SLC4A10: variants seen among roughly 807,000 people sequenced by gnomAD.
SLC4A10 encodes solute carrier family 4 member 10.
Under a neutral mutation model 137.7 loss-of-function variants are expected in SLC4A10, and 42 were observed. That is an observed-to-expected ratio of 0.30 (90% CI 0.24 to 0.39). SLC4A10 has a LOEUF of 0.39. Ranked by LOEUF, SLC4A10 falls within the 10% of genes least tolerant of loss-of-function variation. The pLI is 1.00. For synonymous variants in SLC4A10, 474 were observed against 464.1 expected (o/e 1.02, Z -0.27); for missense variants, 925 against 1,355.0 (o/e 0.68, Z 4.98).
intron 1 of SLC4A10, among the ~76,000 whole-genome samples, chr2:161,717,879 C>T (rs2045117921): frequency 6.6e-6 from 1 of 152,162 alleles, no homozygotes; most frequent in African/African-American, 2.4e-5. Context: ...ACCAACTCCT[C>T]TTTGTACCTC....
chr2:161,652,512 C>T (rs1463647420), intron 1 of SLC4A10, among the ~76,000 whole-genome samples: 1 of 152,078 alleles, frequency 6.6e-6, no homozygotes, highest in Non-Finnish European at 1.5e-5. Flanking sequence ...ATATATTGAC[C>T]TCTTTGAAAA....
chr2:161,787,724 A>G (rs771968814), intron 2 of SLC4A10, among the ~76,000 whole-genome samples: 2 of 152,080 alleles, frequency 1.3e-5, no homozygotes, highest in African/African-American at 2.4e-5. Context: ...AATGTTTTCA[A>G]TTGTACATTG....
intron 1 of SLC4A10, among the ~76,000 whole-genome samples, chr2:161,669,810 A>G (rs1307255735): frequency 1.3e-5 from 2 of 152,038 alleles, no homozygotes; most frequent in East Asian, 3.8e-4. Context: ...TAGAATACCA[A>G]TCCAGGCCTC....
intron 1 of SLC4A10, among the ~76,000 whole-genome samples, chr2:161,725,956 A>T (rs1237684457): frequency 2.0e-5 from 3 of 152,196 alleles, no homozygotes; most frequent in Non-Finnish European, 4.4e-5. Context: ...ACATACTTGC[A>T]CGTCTTCTCC....
intron 4 of SLC4A10, among the ~76,000 whole-genome samples, chr2:161,843,268 T>G (rs1337068399): frequency 6.6e-6 from 1 of 152,186 alleles, no homozygotes; most frequent in Non-Finnish European, 1.5e-5. Flanking sequence ...GCACTCTCAC[T>G]TTGTTACAGT....
chr2:161,812,361 A>G (rs62187684), intron 3 of SLC4A10, among the ~76,000 whole-genome samples: 10,106 of 151,894 alleles, frequency 0.067, 441 homozygotes, highest in East Asian at 0.15. Context: ...TTAACTACAT[A>G]TATCTTTCAT....
intron 1 of SLC4A10, among the ~76,000 whole-genome samples, chr2:161,688,154 C>CT (rs1257907486): frequency 6.6e-6 from 1 of 152,052 alleles, no homozygotes. Context: ...ATTACTTAGA[C>CT]TTTTTTAAAT....
intron 3 of SLC4A10, among the ~76,000 whole-genome samples, chr2:161,805,635 T>C (rs1455107784): frequency 1.3e-5 from 2 of 152,146 alleles, no homozygotes; most frequent in African/African-American, 4.8e-5. Flanking sequence ...GGCAATCAAA[T>C]CTTAAAGCTC....
intron 1 of SLC4A10, among the ~76,000 whole-genome samples, chr2:161,641,503 T>TA (rs1248983536): frequency 2.6e-4 from 40 of 152,162 alleles, no homozygotes; most frequent in Non-Finnish European, 1.5e-4. Flanking sequence ...AATTAGTTCT[T>TA]AAGAGCTGAA....
intron 1 of SLC4A10, among the ~76,000 whole-genome samples, chr2:161,673,000 G>C (rs1462527178): frequency 6.6e-6 from 1 of 152,162 alleles, no homozygotes; most frequent in Non-Finnish European, 1.5e-5. Flanking sequence ...CTGAGTCTCA[G>C]GCTAATGCGT....
At chr2:161,646,831 G>A (rs775986607) in intron 1 of SLC4A10, among the ~76,000 whole-genome samples, 2 of 152,058 alleles carry the variant, frequency 1.3e-5, no homozygotes, top group East Asian at 1.9e-4. Flanking sequence ...GGAAAGCCTT[G>A]CTACTATAAT....
chr2:161,944,598 CT>C (rs553294302), intron 16 of SLC4A10, among the ~76,000 whole-genome samples: 2,817 of 149,776 alleles, frequency 0.019, 37 homozygotes, highest in Non-Finnish European at 0.03. Flanking sequence ...GTTTTTTTCT[CT>C]TTTTTTTTGT....
intron 26 of SLC4A10, among the ~76,000 whole-genome samples, chr2:161,982,123 A>C (rs1226671758): frequency 3.3e-5 from 5 of 152,186 alleles, no homozygotes; most frequent in Non-Finnish European, 7.4e-5. Flanking sequence ...GTCCATTGTC[A>C]AGTGTTTCAT....
chr2:161,823,040 A>T (rs140387043), intron 3 of SLC4A10, among the ~76,000 whole-genome samples: 3 of 152,306 alleles, frequency 2.0e-5, no homozygotes, highest in East Asian at 1.9e-4. Flanking sequence ...AAACTCACAG[A>T]TAAACTGCAT....
intron 2 of SLC4A10, among the ~76,000 whole-genome samples, chr2:161,790,902 C>A (rs1369624306): frequency 6.6e-6 from 1 of 152,106 alleles, no homozygotes; most frequent in East Asian, 1.9e-4. Flanking sequence ...AAATGCAAAT[C>A]AAAACCTCAA....
chr2:161,836,528 GAGAGAAAGAAAGAAAGAAAGAAAGAA>G (rs1450583180), intron 3 of SLC4A10, among the ~76,000 whole-genome samples: 2 of 83,718 alleles, frequency 2.4e-5, no homozygotes, highest in Non-Finnish European at 4.2e-5. Flanking sequence ...AAGAGAGAGA[GAGAGAAAGAAAGAAAGAAAGAAAGAA>G]AGAAAGAAAG....
chr2:161,952,165 A>G (rs945117108), intron 19 of SLC4A10, among the ~76,000 whole-genome samples: 13 of 152,052 alleles, frequency 8.5e-5, no homozygotes, highest in Non-Finnish European at 1.6e-4. Flanking sequence ...TTCAGGCAGC[A>G]TTTTTTTCTT....
At chr2:161,814,005 T>C (rs2056817977) in intron 3 of SLC4A10, among the ~76,000 whole-genome samples, 1 of 152,072 alleles carries the variant, frequency 6.6e-6, no homozygotes. Flanking sequence ...TATCCACTGT[T>C]CTGGAAACTT....
chr2:161,775,552 T>G (rs1400855241), intron 2 of SLC4A10, among the ~76,000 whole-genome samples: 2 of 151,930 alleles, frequency 1.3e-5, no homozygotes, highest in Non-Finnish European at 2.9e-5. Flanking sequence ...TTTCGGTGTC[T>G]GTTTCTCAGT....
Sources: gnomAD v4.1 joint callset for allele counts (sites outside exome capture counted in the v4.1 genomes callset) on GRCh38, gnomAD v4.1.1 for gene constraint, MANE v1.5 for transcripts, NCBI Gene and HGNC (gene_info 2026-07-23, HGNC 2026-07-21) for gene names.